The following CFAP54 variants were observed in gnomAD, a reference collection of about 807,000 sequenced individuals.
CFAP54 encodes the protein cilia- and flagella-associated protein 54.
CFAP54 carries 290 observed loss-of-function variants against 370.4 expected under a neutral mutation model. That is an observed-to-expected ratio of 0.78 (90% CI 0.71 to 0.86). The LOEUF (loss-of-function observed/expected upper bound fraction) is 0.86, where lower values mean the gene tolerates loss of function less well. CFAP54 is among the 40% of genes least tolerant of loss of function. CFAP54 has a pLI of 0.00. For missense variants in CFAP54, 3,399 were observed against 3,528.7 expected, an observed-to-expected ratio of 0.96 and a Z score of 0.93; for synonymous variants, 1,206 against 1,236.5, an observed-to-expected ratio of 0.98 and a Z score of 0.52.
At chr12:96,576,141 ATATT>A (rs1955972842) in intron 19 of CFAP54, among the ~76,000 whole-genome samples, 1 of 152,014 alleles carries the variant, frequency 6.6e-6, no homozygotes, top group African/African-American at 2.4e-5. Flanking sequence ...ACTCTCAATA[ATATT>A]TATTTCATAA....
intron 58 of CFAP54, 136 bp downstream of exon 58, chr12:96,757,724 A>C (rs1958279276): frequency 1.9e-6 from 1 of 523,194 alleles, no homozygotes; most frequent in African/African-American, 1.9e-5. Flanking sequence ...TTGTAGTTAC[A>C]CTTGTAACTA....
chr12:96,711,617 A>G (rs2136595820), intron 48 of CFAP54, among the ~76,000 whole-genome samples: 1 of 152,314 alleles, frequency 6.6e-6, no homozygotes, highest in South Asian at 2.1e-4. Flanking sequence ...TCCAAATACC[A>G]CAGACTTGCA....
chr12:96,810,229 A>T (rs1170898056), intron 63 of CFAP54, among the ~76,000 whole-genome samples: 1 of 151,964 alleles, frequency 6.6e-6, no homozygotes, highest in Non-Finnish European at 1.5e-5. Flanking sequence ...CTCTGAAAAC[A>T]CTTAGGACAC....
At chr12:96,766,910 T>C (rs1242224685) in intron 60 of CFAP54, among the ~76,000 whole-genome samples, 1 of 152,174 alleles carries the variant, frequency 6.6e-6, no homozygotes, top group Admixed American at 6.5e-5. Flanking sequence ...AGCTCATGTG[T>C]TCTGCTTCAG....
chr12:96,542,399 G>T (rs557343823), intron 14 of CFAP54, among the ~76,000 whole-genome samples: 2 of 152,144 alleles, frequency 1.3e-5, no homozygotes, highest in Non-Finnish European at 2.9e-5. Flanking sequence ...TCTGGCCATC[G>T]AACACATTCA....
chr12:96,647,546 T>C (rs539667126), intron 33 of CFAP54, among the ~76,000 whole-genome samples: 86 of 150,010 alleles, frequency 5.7e-4, no homozygotes, highest in Non-Finnish European at 1.1e-3. Context: ...AGCATTGTCA[T>C]TGAGTTCTGT....
Position 96,739,885 on chromosome 12 carries a change from GATTTAGGA to G in CFAP54, c.6966-69_6966-62del, listed in dbSNP as rs1958030193. 4 of 945,290 alleles carry G rather than the reference GATTTAGGA, an allele frequency of 4.2e-6. No individual in the cohort carries two copies. The Admixed American group carries it at 1.0e-4, about 24-fold the overall frequency. 58.6% of individuals were successfully genotyped at this position (945,290 alleles called of 1,614,324 possible). A position where few individuals can be genotyped will look rare whatever the true frequency, so the allele number is the denominator to read the frequency against. On this transcript the variant is annotated intron_variant, in intron 50 of 67. Coordinates refer to ENST00000524981, the MANE Select transcript of CFAP54 (RefSeq NM_001306084.2). ...TGTGAGAATGTTTTTTGGAGAAAGTGATTTAGGAAATAACATACAGATGCCACAAATAT... is the reference window on the plus strand; with the variant it reads ...TGTGAGAATGTTTTTTGGAGAAAGTGAATAACATACAGATGCCACAAATAT...
chr12:96,622,814 T>C (rs1956513562), intron 27 of CFAP54, among the ~76,000 whole-genome samples: 1 of 152,214 alleles, frequency 6.6e-6, no homozygotes, highest in Admixed American at 6.5e-5. Context: ...CCAAAAAAAC[T>C]TTTAAAAATC....
intron 22 of CFAP54, among the ~76,000 whole-genome samples, chr12:96,585,219 G>C (rs146077322): frequency 0.011 from 1,643 of 152,112 alleles, 34 homozygotes; most frequent in African/African-American, 0.037. Context: ...GGAGTGCAGT[G>C]GTGCGATCTC....
chr12:96,712,131 A>G (rs942204377), intron 48 of CFAP54, among the ~76,000 whole-genome samples: 3 of 151,660 alleles, frequency 2.0e-5, no homozygotes, highest in African/African-American at 7.2e-5. Flanking sequence ...TTTATACATT[A>G]TACTATTTTT....
chr12:96,682,395 T>A, intron 40 of CFAP54: 1 of 780,974 alleles, frequency 1.3e-6, no homozygotes, highest in Non-Finnish European at 1.6e-6. Flanking sequence ...TGAGACGAGG[T>A]CTCATTTTGT....
chr12:96,860,937 GAAT>G lies in CFAP54; in HGVS notation c.*1_*3del. 1 of 1,533,024 alleles carries G rather than the reference GAAT, an allele frequency of 6.5e-7. No individual in the cohort carries two copies. Among genetic ancestry groups the G allele is most frequent in the South Asian group, 1.2e-5 (1 of 83,280 alleles). The allele number at this position is 1,533,024 out of a possible 1,614,324, so 95.0% of individuals were successfully genotyped here. ...AACTGGATAGTGTCAATTATTCCCT[GAAT>G]ATCCTATACACGGTAACCTTATACA... On this transcript the variant is annotated stop_retained_variant and 3_prime_UTR_variant, in exon 67 of 68. Coordinates refer to ENST00000524981, the MANE Select transcript of CFAP54 (RefSeq NM_001306084.2).
chr12:96,618,207 G>C (rs1956443968), intron 26 of CFAP54, among the ~76,000 whole-genome samples: 1 of 152,080 alleles, frequency 6.6e-6, no homozygotes, highest in Admixed American at 6.5e-5. Context: ...CTATTTCAAG[G>C]CAGCTTGTGG....
chr12:96,712,654 T>C (rs1957627612), intron 48 of CFAP54, among the ~76,000 whole-genome samples: 1 of 152,148 alleles, frequency 6.6e-6, no homozygotes, highest in African/African-American at 2.4e-5. Context: ...TACCCATTAA[T>C]GAATTTCTCT....
intron 35 of CFAP54, among the ~76,000 whole-genome samples, chr12:96,650,543 C>T (rs1195824434): frequency 2.0e-5 from 3 of 152,106 alleles, no homozygotes; most frequent in Non-Finnish European, 4.4e-5. Flanking sequence ...CCCATCACTT[C>T]CATGTTCTCT....
chr12:96,823,134 G>GTC (rs1312785118), intron 65 of CFAP54, among the ~76,000 whole-genome samples: 8 of 133,308 alleles, frequency 6.0e-5, no homozygotes, highest in South Asian at 3.1e-4. Context: ...GTGTGTGTGT[G>GTC]TGTCTGTGTG....
At chr12:96,747,590 G>A (rs1958131201) in intron 55 of CFAP54, among the ~76,000 whole-genome samples, 1 of 152,096 alleles carries the variant, frequency 6.6e-6, no homozygotes, top group African/African-American at 2.4e-5. Flanking sequence ...ACAGTGCTGT[G>A]GAAAAAAAGA....
At chr12:96,829,828 A>G (rs976922369) in intron 66 of CFAP54, among the ~76,000 whole-genome samples, 1 of 152,066 alleles carries the variant, frequency 6.6e-6, no homozygotes, top group African/African-American at 2.4e-5. Flanking sequence ...AGAACTTTTC[A>G]TCATTCCAAA....
chr12:96,575,276 G>A (rs1395288574), intron 19 of CFAP54, among the ~76,000 whole-genome samples: 1 of 152,044 alleles, frequency 6.6e-6, no homozygotes, highest in Non-Finnish European at 1.5e-5. Flanking sequence ...TATAAGTGCT[G>A]AATACAAGTC....
Sources: allele counts gnomAD v4.1 joint callset (sites outside exome capture counted in the v4.1 genomes callset), GRCh38; gene constraint gnomAD v4.1.1; transcripts MANE v1.5; gene names NCBI Gene and HGNC (gene_info 2026-07-23, HGNC 2026-07-21).